The following CCDC178 variants were observed in gnomAD, a reference collection of about 807,000 sequenced individuals.
The protein encoded by CCDC178 is coiled-coil domain containing 178, also known as coiled-coil domain-containing protein 178.
A neutral mutation model predicts 117.4 loss-of-function variants in CCDC178; 126 were observed. That is an observed-to-expected ratio of 1.07 (90% confidence interval 0.93 to 1.24). CCDC178 has a LOEUF of 1.24. Ranked by LOEUF, CCDC178 falls within the 50% of genes most tolerant of loss-of-function variation. The probability of loss-of-function intolerance (pLI) is 0.00; values close to 1 mark genes in which losing one functional copy is unlikely to be tolerated. For missense variants in CCDC178, 1,030 were observed against 986.9 expected, an observed-to-expected ratio of 1.04 and a Z score of -0.59; for synonymous variants, 283 against 313.4, an observed-to-expected ratio of 0.90 and a Z score of 1.02.
chr18:32,980,627 T>C (rs970521229), intron 21 of CCDC178, among the ~76,000 whole-genome samples: 4 of 143,868 alleles, frequency 2.8e-5, no homozygotes, highest in Non-Finnish European at 6.1e-5. Context: ...ATAGAAACAG[T>C]ATACCAGAAA....
chr18:33,155,116 A>C (rs1337161586), intron 20 of CCDC178, among the ~76,000 whole-genome samples: 1 of 152,146 alleles, frequency 6.6e-6, no homozygotes, highest in Non-Finnish European at 1.5e-5. Context: ...AATAAATTAT[A>C]ATATAAGCTC....
At chr18:33,249,516 AAATAGGG>A (rs1322782660) in intron 14 of CCDC178, among the ~76,000 whole-genome samples, 13 of 152,076 alleles carry the variant, frequency 8.5e-5, no homozygotes, top group Non-Finnish European at 1.6e-4. Flanking sequence ...ACCATTTACT[AAATAGGG>A]AATCCTTTCC....
At chr18:33,327,555 A>AT (rs1357036314) in intron 10 of CCDC178, among the ~76,000 whole-genome samples, 2 of 152,088 alleles carry the variant, frequency 1.3e-5, no homozygotes, top group African/African-American at 4.8e-5. Context: ...CGGCTGCACT[A>AT]TTTTTGCATT....
At chr18:33,053,501 A>G (rs1297927286) in intron 21 of CCDC178, among the ~76,000 whole-genome samples, 1 of 152,208 alleles carries the variant, frequency 6.6e-6, no homozygotes, top group Non-Finnish European at 1.5e-5. Context: ...AATTAAGAAT[A>G]TGTTCAGTTG....
intron 12 of CCDC178, among the ~76,000 whole-genome samples, chr18:33,281,310 A>G (rs1432246832): frequency 6.6e-6 from 1 of 151,956 alleles, no homozygotes; most frequent in African/African-American, 2.4e-5. Context: ...CTCTTTTACA[A>G]TATAATAATT....
intron 21 of CCDC178, among the ~76,000 whole-genome samples, chr18:33,019,901 C>T (rs2056074605): frequency 6.9e-6 from 1 of 144,442 alleles, no homozygotes; most frequent in African/African-American, 2.5e-5. Flanking sequence ...TTTCATGATC[C>T]TCTTAACTGA....
chr18:33,029,202 G>A (rs2056286353), intron 21 of CCDC178, among the ~76,000 whole-genome samples: 1 of 151,802 alleles, frequency 6.6e-6, no homozygotes, highest in African/African-American at 2.4e-5. Context: ...CTTCTTATAA[G>A]TCTACTCATA....
chr18:33,310,672 T>C (rs2062328423), intron 11 of CCDC178, among the ~76,000 whole-genome samples: 2 of 152,030 alleles, frequency 1.3e-5, no homozygotes, highest in African/African-American at 4.8e-5. Flanking sequence ...GGTGACAGAG[T>C]GAGACCCCCT....
At chr18:33,328,092 T>G (rs780320616) in intron 10 of CCDC178, 37 of 151,466 alleles carry the variant, frequency 2.4e-4, no homozygotes, top group Middle Eastern at 1.6e-3. Flanking sequence ...GATTTTTTTT[T>G]TTTTTTTTTT....
chr18:33,431,896 T>G (rs1388127678), intron 2 of CCDC178, among the ~76,000 whole-genome samples: 4 of 152,210 alleles, frequency 2.6e-5, no homozygotes, highest in Non-Finnish European at 5.9e-5. Context: ...CTCTTTGATC[T>G]TAATTCATGG....
intron 20 of CCDC178, among the ~76,000 whole-genome samples, chr18:33,159,391 A>T (rs754768127): frequency 6.6e-6 from 1 of 152,136 alleles, no homozygotes; most frequent in Non-Finnish European, 1.5e-5. Flanking sequence ...TCCAATCAAT[A>T]CAAATGTATT....
intron 21 of CCDC178, among the ~76,000 whole-genome samples, chr18:33,052,209 T>A (rs1280996432): frequency 3.3e-5 from 5 of 152,130 alleles, no homozygotes; most frequent in African/African-American, 4.8e-5. Context: ...AGACAGGATA[T>A]TAAAAGAACA....
intron 2 of CCDC178, among the ~76,000 whole-genome samples, chr18:33,428,827 TAAA>T (rs371647607): frequency 8.3e-6 from 1 of 120,150 alleles, no homozygotes; most frequent in Non-Finnish European, 1.8e-5. Flanking sequence ...TGAAAAAAAG[TAAA>T]AAAAAAAAAA....
intron 20 of CCDC178, among the ~76,000 whole-genome samples, chr18:33,136,712 T>G (rs2058131665): frequency 6.6e-6 from 1 of 152,192 alleles, no homozygotes; most frequent in Non-Finnish European, 1.5e-5. Flanking sequence ...TTTACATTTT[T>G]TATTTGGTGC....
intron 12 of CCDC178, among the ~76,000 whole-genome samples, chr18:33,268,797 T>TAA (rs151282248): frequency 1.9e-3 from 295 of 151,462 alleles, no homozygotes; most frequent in African/African-American, 6.7e-3. Flanking sequence ...ATAAATGTAA[T>TAA]AAAAAAAACT....
chr18:33,338,029 A>C (rs1254926187), intron 9 of CCDC178, among the ~76,000 whole-genome samples: 1 of 152,186 alleles, frequency 6.6e-6, no homozygotes, highest in Non-Finnish European at 1.5e-5. Context: ...ACTAATCCAA[A>C]ATCTACAAAG....
chr18:33,164,599 C>CA (rs34066381), intron 20 of CCDC178, among the ~76,000 whole-genome samples: 13,021 of 137,608 alleles, frequency 0.095, 687 homozygotes, highest in African/African-American at 0.17. Flanking sequence ...TCTTCCCTAG[C>CA]AAAAAAAAAA....
At chr18:33,371,784 T>TATACACACAC (rs369419194) in intron 5 of CCDC178, among the ~76,000 whole-genome samples, 77 of 144,306 alleles carry the variant, frequency 5.3e-4, no homozygotes, top group African/African-American at 1.7e-3. Flanking sequence ...TAAACATATA[T>TATACACACAC]ACACACACAC....
chr18:33,370,457 T>C (rs879570682), intron 5 of CCDC178, among the ~76,000 whole-genome samples: 8 of 151,558 alleles, frequency 5.3e-5, no homozygotes, highest in Non-Finnish European at 1.2e-4. Flanking sequence ...TTGAAAAACA[T>C]AGCATTGTGA....
Sources: allele counts gnomAD v4.1 joint callset (sites outside exome capture counted in the v4.1 genomes callset), GRCh38; gene constraint gnomAD v4.1.1; transcripts MANE v1.5; gene names NCBI Gene and HGNC (gene_info 2026-07-23, HGNC 2026-07-21).